Variants in NCK1 observed in about 807,000 individuals in gnomAD.
NCK1 encodes the protein NCK adaptor protein 1.
A neutral mutation model predicts 36.6 loss-of-function variants in NCK1; 19 were observed. That is an observed-to-expected ratio of 0.52 (90% confidence interval 0.36 to 0.76). The LOEUF (loss-of-function observed/expected upper bound fraction) is 0.76, where lower values mean the gene tolerates loss of function less well. Ranked by LOEUF, NCK1 falls within the 30% of genes least tolerant of loss-of-function variation. NCK1 has a pLI of 0.00. For synonymous variants in NCK1, 165 were observed against 156.0 expected (o/e 1.06, Z -0.43); for missense variants, 358 against 445.6 (o/e 0.80, Z 1.77).
intron 2 of NCK1, among the ~76,000 whole-genome samples, chr3:136,930,763 T>G (rs969507535): frequency 6.6e-6 from 1 of 152,212 alleles, no homozygotes; most frequent in Non-Finnish European, 1.5e-5. Context: ...AAATTGTAGT[T>G]TCGACTTGGT....
At chr3:136,937,206 G>A (rs1264932679) in intron 2 of NCK1, among the ~76,000 whole-genome samples, 8 of 152,110 alleles carry the variant, frequency 5.3e-5, no homozygotes, top group African/African-American at 1.9e-4. Context: ...AGTACCCTTT[G>A]TTGAAGAAAC....
intron 2 of NCK1, among the ~76,000 whole-genome samples, chr3:136,936,071 C>T (rs1342848138): frequency 1.4e-5 from 2 of 147,908 alleles, no homozygotes; most frequent in African/African-American, 2.5e-5. Flanking sequence ...GACAGAGTCT[C>T]GCCCTGTCAC....
chr3:136,898,385 C>CAAAAA (rs36033316), intron 1 of NCK1, among the ~76,000 whole-genome samples: 1 of 76,574 alleles, frequency 1.3e-5, no homozygotes, highest in African/African-American at 6.2e-5. Context: ...GACTCCCTCT[C>CAAAAA]AAAAAAAAAA....
intron 1 of NCK1, among the ~76,000 whole-genome samples, chr3:136,862,626 G>C (rs992203089): frequency 6.6e-6 from 1 of 152,226 alleles, no homozygotes; most frequent in South Asian, 2.1e-4. Flanking sequence ...CGCTGTGTCG[G>C]GCTGAGAGCC....
chr3:136,917,655 A>AT (rs919109769), intron 1 of NCK1, among the ~76,000 whole-genome samples: 5 of 152,066 alleles, frequency 3.3e-5, no homozygotes, highest in African/African-American at 1.2e-4. Context: ...TGTGACTCCC[A>AT]TTTTACTTTT....
rs1327146939 is a variant in NCK1, at chr3:136,949,910, TGGC to T, written c.*1458_*1460del. Reference sequence around the variant, plus strand: ...TTTAAAGACTTATGTTGCCACTGGGTGGCAGCCATGGCTTCTCCCACTAAGCAA... The same window carrying T: ...TTTAAAGACTTATGTTGCCACTGGGTAGCCATGGCTTCTCCCACTAAGCAA... On this transcript the variant is annotated 3_prime_UTR_variant, in exon 4 of 4. Coordinates refer to ENST00000481752, the MANE Select transcript of NCK1 (RefSeq NM_001291999.2). 2 of 152,084 alleles carry T rather than the reference TGGC, an allele frequency of 1.3e-5. No individual in the cohort carries two copies. Among genetic ancestry groups the T allele is most frequent in the African/African-American group, 4.8e-5 (2 of 41,456 alleles). 9.4% of individuals were successfully genotyped at this position (152,084 alleles called of 1,614,324 possible).
intron 1 of NCK1, among the ~76,000 whole-genome samples, chr3:136,867,068 CT>C (rs1266848756): frequency 3.3e-3 from 1 of 300 alleles, no homozygotes; most frequent in Non-Finnish European, 0.01. Flanking sequence ...TTCTTTCTTT[CT>C]TTCTTTCTTT....
intron 1 of NCK1, among the ~76,000 whole-genome samples, chr3:136,908,778 C>T (rs1382154450): frequency 3.3e-5 from 5 of 152,188 alleles, no homozygotes; most frequent in Non-Finnish European, 5.9e-5. Context: ...CTAATGGTTT[C>T]TGCATGTGAA....
intron 2 of NCK1, chr3:136,930,582 A>C: frequency 6.7e-7 from 1 of 1,488,310 alleles, no homozygotes. Context: ...AAACGTCTTT[A>C]AAGATTTTTT....
chr3:136,933,435 G>A (rs963477238), intron 2 of NCK1, among the ~76,000 whole-genome samples: 6 of 152,200 alleles, frequency 3.9e-5, no homozygotes, highest in African/African-American at 1.4e-4. Flanking sequence ...AATGTTCACA[G>A]TGCTTAACCA....
intron 1 of NCK1, among the ~76,000 whole-genome samples, chr3:136,868,608 A>ATG (rs1396292528): frequency 1.3e-5 from 2 of 152,144 alleles, no homozygotes; most frequent in Non-Finnish European, 2.9e-5. Context: ...GATTACAGGG[A>ATG]TGAGCCACCG....
At chr3:136,899,486 A>C (rs1939484524) in intron 1 of NCK1, 1 of 389,012 alleles carries the variant, frequency 2.6e-6, no homozygotes, top group Non-Finnish European at 4.9e-6. Context: ...CATTATCCTC[A>C]CTCTCACCAA....
intron 1 of NCK1, among the ~76,000 whole-genome samples, chr3:136,866,370 C>G (rs1327804945): frequency 6.6e-6 from 1 of 150,656 alleles, no homozygotes; most frequent in Non-Finnish European, 1.5e-5. Context: ...TGCAATGGTG[C>G]GATCTCGGCT....
chr3:136,878,487 G>T (rs557598795), intron 1 of NCK1, among the ~76,000 whole-genome samples: 30 of 152,268 alleles, frequency 2.0e-4, no homozygotes, highest in Non-Finnish European at 8.8e-5. Context: ...TCCAGAAATT[G>T]TGTATTTGTA....
Position 136,946,058 on chromosome 3 carries a change from G to A in NCK1, c.702G>A (p.Lys234=), listed in dbSNP as rs575292716. The part of the protein sequence containing the change: ...ENDPEWWKCR[K]INGMVGLVPK... ...ACCCAGAGTGGTGGAAATGCAGGAA[G>A]ATCAATGGTATGGTTGGTCTAGTAC... is the stretch of plus-strand genomic sequence containing the variant. Residue 234 remains lysine (K), a synonymous_variant, in exon 3 of 4, where the codon AAG becomes AAA. Transcript: ENST00000481752. 2.5e-6 allele frequency: 4 copies of A among 1,613,970 alleles called. No homozygotes were observed. In the South Asian group the frequency reaches 4.4e-5, roughly 18 times the overall value.
In NCK1 at chr3:136,948,526, C is replaced by G; in HGVS notation, c.*73C>G. On this transcript the variant is annotated 3_prime_UTR_variant, in exon 4 of 4. Coordinates refer to ENST00000481752, the MANE Select transcript of NCK1 (RefSeq NM_001291999.2). The stretch of plus-strand genomic sequence containing the variant: ...ATTGAAGACTGAGAAAATGTTGGGT[C>G]CAGTCGTGCTTGATTGGAAATTGTT... 1 of 1,321,122 alleles carries G rather than the reference C, an allele frequency of 7.6e-7. No individual in the cohort carries two copies. The highest frequency in any genetic ancestry group is 1.4e-5 in the South Asian group (1 of 72,774). 81.8% of individuals were successfully genotyped at this position (1,321,122 alleles called of 1,614,324 possible).
At chr3:136,898,385 C>CAAAAAAAAAAAAAAAA (rs36033316) in intron 1 of NCK1, among the ~76,000 whole-genome samples, 1 of 76,576 alleles carries the variant, frequency 1.3e-5, no homozygotes. Flanking sequence ...GACTCCCTCT[C>CAAAAAAAAAAAAAAAA]AAAAAAAAAA....
chr3:136,875,623 C>A (rs966611592), intron 1 of NCK1, among the ~76,000 whole-genome samples: 4 of 151,820 alleles, frequency 2.6e-5, no homozygotes, highest in Non-Finnish European at 5.9e-5. Context: ...TATATATGCA[C>A]CCAATACAGG....
Position 136,948,573 on chromosome 3 carries a change from T to C in NCK1, c.*120T>C. The C allele has an allele frequency of 2.5e-6, 2 of 814,070 alleles. No individual in the cohort carries two copies. Among genetic ancestry groups the C allele is most frequent in the Non-Finnish European group, 3.9e-6 (2 of 517,846 alleles). 50.4% of individuals were successfully genotyped at this position (814,070 alleles called of 1,614,324 possible). A position where few individuals can be genotyped will look rare whatever the true frequency, so the allele number is the denominator to read the frequency against. On this transcript the variant is annotated 3_prime_UTR_variant, in exon 4 of 4. Coordinates refer to ENST00000481752, the MANE Select transcript of NCK1 (RefSeq NM_001291999.2). ...TGTTGTTTCTAAATCTATATGAGAATTGACAATAAGTATTTTTATTATAAC... is the reference window on the plus strand; with the variant it reads ...TGTTGTTTCTAAATCTATATGAGAACTGACAATAAGTATTTTTATTATAAC...
Sources: gnomAD v4.1 joint callset for allele counts (sites outside exome capture counted in the v4.1 genomes callset) on GRCh38, gnomAD v4.1.1 for gene constraint, MANE v1.5 for transcripts, NCBI Gene and HGNC (gene_info 2026-07-23, HGNC 2026-07-21) for gene names.